CCNY: variants seen among roughly 807,000 people sequenced by gnomAD.
CCNY encodes the protein cyclin-Y.
A neutral mutation model predicts 42.8 loss-of-function variants in CCNY; 19 were observed. The ratio of observed to expected loss-of-function variants is 0.44; its 90% CI spans 0.31 to 0.65. CCNY has a LOEUF of 0.65. Among genes scored for constraint, CCNY ranks in the 30% least tolerant of loss-of-function variants. The pLI is 0.07. For synonymous variants in CCNY, 165 were observed against 162.7 expected, an observed-to-expected ratio of 1.01 and a Z score of -0.11; for missense variants, 370 against 437.3, an observed-to-expected ratio of 0.85 and a Z score of 1.37.
Position 35,430,336 on chromosome 10 carries a change from CAAAAAAAA to C in CCNY, c.155-53050_155-53043del, listed in dbSNP as rs397954370. ...TGGGCGACAGAGCGAGACTCCGTCT[CAAAAAAAA>C]AAAAAAAAAAAAAAAAAGTGATGAG... On this transcript the variant is annotated intron_variant, in intron 1 of 9. Coordinates refer to ENST00000374704, the MANE Select transcript of CCNY (RefSeq NM_145012.6). Among the ~76,000 whole-genome samples the C allele has an allele frequency of 4.7e-4, 26 of 55,594 alleles. 1 individual carries two copies. The highest frequency in any genetic ancestry group is 3.2e-3 in the South Asian group (3 of 940). 36.5% of individuals were successfully genotyped at this position (55,594 alleles called of 152,430 possible). A position where few individuals can be genotyped will look rare whatever the true frequency, so the allele number is the denominator to read the frequency against.
intron 1 of CCNY, among the ~76,000 whole-genome samples, chr10:35,463,297 T>C (rs1313861469): frequency 2.0e-5 from 3 of 152,148 alleles, no homozygotes; most frequent in Non-Finnish European, 4.4e-5. Flanking sequence ...TGGCACATGG[T>C]AGATGCTTAC....
At chr10:35,506,516 G>T (rs1034138667) in intron 3 of CCNY, among the ~76,000 whole-genome samples, 2 of 152,182 alleles carry the variant, frequency 1.3e-5, no homozygotes, top group Non-Finnish European at 2.9e-5. Context: ...GGTTATGTCT[G>T]TGGAGGACTT....
intron 3 of CCNY, among the ~76,000 whole-genome samples, chr10:35,285,252 C>G (rs1410527466): frequency 6.6e-6 from 1 of 152,014 alleles, no homozygotes; most frequent in Admixed American, 6.6e-5. Flanking sequence ...CCAGGCTGGT[C>G]TTGAAACTCC....
intron 1 of CCNY, among the ~76,000 whole-genome samples, chr10:35,420,753 T>C (rs1316377710): frequency 6.6e-6 from 1 of 152,202 alleles, no homozygotes; most frequent in Non-Finnish European, 1.5e-5. Context: ...CAAAAACAGA[T>C]GCTTTCTTTT....
intron 1 of CCNY, among the ~76,000 whole-genome samples, chr10:35,400,613 C>T (rs563946106): frequency 7.2e-4 from 109 of 152,278 alleles, no homozygotes; most frequent in Non-Finnish European, 1.1e-3. Context: ...GTAGCTGTTT[C>T]CAGAGTTATC....
chr10:35,479,306 C>T (rs1452247111), intron 1 of CCNY, among the ~76,000 whole-genome samples: 4 of 150,944 alleles, frequency 2.6e-5, no homozygotes, highest in South Asian at 2.1e-4. Context: ...CACATGCACA[C>T]GTATGTTTAT....
chr10:35,498,073 C>T (rs1167788370), intron 2 of CCNY, among the ~76,000 whole-genome samples: 1 of 152,148 alleles, frequency 6.6e-6, no homozygotes, highest in Non-Finnish European at 1.5e-5. Context: ...AAGAGGTGCA[C>T]AGGGCGAGTC....
intron 3 of CCNY, among the ~76,000 whole-genome samples, chr10:35,507,386 C>T (rs937291488): frequency 1.3e-5 from 2 of 152,222 alleles, no homozygotes; most frequent in East Asian, 3.9e-4. Flanking sequence ...TAGCCAGATT[C>T]ATCAGTTTTA....
intron 9 of CCNY, among the ~76,000 whole-genome samples, chr10:35,567,591 G>A (rs1231920030): frequency 6.6e-6 from 1 of 152,248 alleles, no homozygotes; most frequent in East Asian, 1.9e-4. Context: ...CATCCCAGGT[G>A]GGATGTTGTC....
chr10:35,516,738 G>A, intron 4 of CCNY, 115 bp downstream of exon 4: 1 of 643,420 alleles, frequency 1.6e-6, no homozygotes. Context: ...TAAGCTGGTT[G>A]GTTGTGGGGT....
chr10:35,507,117 C>A (rs957804709), intron 3 of CCNY, among the ~76,000 whole-genome samples: 1 of 152,150 alleles, frequency 6.6e-6, no homozygotes, highest in African/African-American at 2.4e-5. Flanking sequence ...TCAGGGACTT[C>A]TGGAGTAGAG....
intron 1 of CCNY, among the ~76,000 whole-genome samples, chr10:35,424,324 T>G (rs1487757097): frequency 1.3e-5 from 2 of 152,338 alleles, no homozygotes; most frequent in East Asian, 3.9e-4. Flanking sequence ...CCTCCAGGTT[T>G]CAAGCGATTC....
intron 3 of CCNY, chr10:35,320,799 A>G (rs1835812449): frequency 6.6e-6 from 1 of 152,202 alleles, no homozygotes; most frequent in Non-Finnish European, 1.5e-5. Context: ...TCTGCATACT[A>G]GCAATAACCA....
At chr10:35,296,271 A>ACTAG (rs1426004889) in intron 3 of CCNY, among the ~76,000 whole-genome samples, 1 of 152,106 alleles carries the variant, frequency 6.6e-6, no homozygotes, top group Non-Finnish European at 1.5e-5. Context: ...AAGATAGACC[A>ACTAG]CTAGCTAGAC....
intron 1 of CCNY, among the ~76,000 whole-genome samples, chr10:35,428,286 T>C (rs1589114673): frequency 6.6e-6 from 1 of 152,134 alleles, no homozygotes; most frequent in African/African-American, 2.4e-5. Context: ...TGATCCCGAC[T>C]GGGGCTCCAG....
chr10:35,523,411 C>T (rs922870229), intron 4 of CCNY, among the ~76,000 whole-genome samples: 7 of 152,184 alleles, frequency 4.6e-5, no homozygotes, highest in Non-Finnish European at 4.4e-5. Context: ...AGCTACAAGC[C>T]TGGGCCTGAT....
chr10:35,519,157 A>G (rs576789730), intron 4 of CCNY, among the ~76,000 whole-genome samples: 6 of 150,256 alleles, frequency 4.0e-5, no homozygotes, highest in East Asian at 2.0e-4. Flanking sequence ...GCTGAGGTAT[A>G]CTGTGAGTAT....
At chr10:35,429,034 T>A (rs983448228) in intron 1 of CCNY, among the ~76,000 whole-genome samples, 2 of 152,230 alleles carry the variant, frequency 1.3e-5, no homozygotes, top group Non-Finnish European at 2.9e-5. Context: ...TTGGGGATTT[T>A]AAAAATTCGT....
chr10:35,352,717 G>T (rs559176260), intron 1 of CCNY, among the ~76,000 whole-genome samples: 15 of 152,310 alleles, frequency 9.8e-5, no homozygotes, highest in African/African-American at 3.6e-4. Context: ...TTACAATACG[G>T]TGTGTAGGGG....
Sources: allele counts gnomAD v4.1 joint callset (sites outside exome capture counted in the v4.1 genomes callset), GRCh38; gene constraint gnomAD v4.1.1; transcripts MANE v1.5; gene names NCBI Gene and HGNC (gene_info 2026-07-23, HGNC 2026-07-21).